FAM107B: variants seen among roughly 807,000 people sequenced by gnomAD.
The protein encoded by FAM107B is family with sequence similarity 107 member B, also known as protein FAM107B.
FAM107B carries 21 observed loss-of-function variants against 31.5 expected under a neutral mutation model. That is an observed-to-expected ratio of 0.67 (90% CI 0.47 to 0.96). The LOEUF is 0.96. Ranked by LOEUF, FAM107B falls within the 40% of genes least tolerant of loss-of-function variation. The probability of loss-of-function intolerance (pLI) is 0.00; values close to 1 mark genes in which losing one functional copy is unlikely to be tolerated. For synonymous variants in FAM107B, 157 were observed against 141.5 expected (o/e 1.11, Z -0.78); for missense variants, 452 against 377.1 (o/e 1.20, Z -1.64).
At chr10:14,645,102 C>T (rs1853720215) in intron 2 of FAM107B, among the ~76,000 whole-genome samples, 1 of 152,148 alleles carries the variant, frequency 6.6e-6, no homozygotes, top group South Asian at 2.1e-4. Context: ...ATGGAAAATA[C>T]TGAGTGTGGT....
At chr10:14,604,394 C>T (rs866854872) in intron 2 of FAM107B, 5 of 267,060 alleles carry the variant, frequency 1.9e-5, no homozygotes, top group African/African-American at 4.6e-5. Flanking sequence ...CGGCGCAGGG[C>T]GGCTCTCGCT....
intron 2 of FAM107B, among the ~76,000 whole-genome samples, chr10:14,656,176 T>C (rs999367820): frequency 2.0e-5 from 3 of 152,122 alleles, no homozygotes; most frequent in Non-Finnish European, 4.4e-5. Flanking sequence ...TAGATACAAA[T>C]TCTGGAGCAG....
chr10:14,721,819 T>G (rs1416660975), intron 1 of FAM107B, among the ~76,000 whole-genome samples: 1 of 152,204 alleles, frequency 6.6e-6, no homozygotes, highest in Non-Finnish European at 1.5e-5. Flanking sequence ...GATGGTAGTT[T>G]CTTTTGCTGT....
At chr10:14,561,388 C>A (rs1033449538) in intron 2 of FAM107B, among the ~76,000 whole-genome samples, 1 of 152,188 alleles carries the variant, frequency 6.6e-6, no homozygotes. Flanking sequence ...CATGAAACAC[C>A]GCGCTGAGAA....
Position 14,591,809 on chromosome 10 carries a change from T to G in FAM107B, c.470-61294A>C, listed in dbSNP as rs145503923. Among the ~76,000 whole-genome samples the G allele has an allele frequency of 6.6e-5, 10 of 152,270 alleles. No homozygotes were observed. In the East Asian group the frequency reaches 1.9e-3, roughly 29 times the overall value. On this transcript the variant is annotated intron_variant, in intron 2 of 4. Transcript: ENST00000181796. ...ACTGCACATGAATCTGATCAAGCTT[T>G]CATGATAACTTCCAGTTTACAGAAA... is the stretch of plus-strand genomic sequence containing the variant.
intron 2 of FAM107B, among the ~76,000 whole-genome samples, chr10:14,560,597 CG>C (rs1335229752): frequency 6.6e-6 from 1 of 152,066 alleles, no homozygotes; most frequent in Non-Finnish European, 1.5e-5. Context: ...ATGGAAGGCT[CG>C]GAAGTCAGAC....
intron 1 of FAM107B, among the ~76,000 whole-genome samples, chr10:14,678,332 T>G (rs1854739999): frequency 6.6e-6 from 1 of 152,192 alleles, no homozygotes; most frequent in African/African-American, 2.4e-5. Context: ...GGGTATGTGT[T>G]TTCTGTCCAT....
At chr10:14,713,885 G>T (rs1475683447) in intron 1 of FAM107B, among the ~76,000 whole-genome samples, 1 of 152,178 alleles carries the variant, frequency 6.6e-6, no homozygotes, top group Non-Finnish European at 1.5e-5. Flanking sequence ...GCAGCAACAT[G>T]GATGGAGTTG....
At chr10:14,773,135 G>C (rs1305067666) in intron 1 of FAM107B, among the ~76,000 whole-genome samples, 1 of 152,178 alleles carries the variant, frequency 6.6e-6, no homozygotes, top group African/African-American at 2.4e-5. Context: ...AGCAGTTTTT[G>C]CTGTGACAGA....
intron 2 of FAM107B, among the ~76,000 whole-genome samples, chr10:14,659,882 C>T (rs1330419046): frequency 1.3e-5 from 2 of 152,216 alleles, no homozygotes; most frequent in Non-Finnish European, 2.9e-5. Flanking sequence ...GTCTCACTTC[C>T]CCACAGAAGT....
chr10:14,630,733 C>G (rs1024120229), intron 2 of FAM107B, among the ~76,000 whole-genome samples: 1 of 151,996 alleles, frequency 6.6e-6, no homozygotes, highest in Admixed American at 6.6e-5. Flanking sequence ...AGCCTGTAGT[C>G]CCAGCTACTT....
intron 2 of FAM107B, among the ~76,000 whole-genome samples, chr10:14,538,159 C>T (rs1489298111): frequency 2.0e-5 from 3 of 152,140 alleles, no homozygotes; most frequent in African/African-American, 4.8e-5. Flanking sequence ...CACAGCTTTA[C>T]GATCCCAAAC....
Position 14,725,733 on chromosome 10 carries a change from T to C in FAM107B, c.411+48520A>G, listed in dbSNP as rs1588733967. Among the ~76,000 whole-genome samples, 2 of 151,900 alleles carry C rather than the reference T, an allele frequency of 1.3e-5. 1 individual carries two copies. The highest frequency in any genetic ancestry group is 3.9e-4 in the East Asian group (2 of 5,172). ...TCATGATCTTATCTAAACCTAATTATCTTCCAAAGTCCCCACCTCCTAATT... is the reference window on the plus strand; with the variant it reads ...TCATGATCTTATCTAAACCTAATTACCTTCCAAAGTCCCCACCTCCTAATT... On this transcript the variant is annotated intron_variant, in intron 1 of 4. Transcript: ENST00000181796.
intron 1 of FAM107B, among the ~76,000 whole-genome samples, chr10:14,722,124 A>T (rs1855925827): frequency 6.6e-6 from 1 of 152,250 alleles, no homozygotes; most frequent in Non-Finnish European, 1.5e-5. Context: ...TTGTGCAAAC[A>T]TCACTACTAA....
intron 2 of FAM107B, among the ~76,000 whole-genome samples, chr10:14,663,776 A>C (rs1470502459): frequency 6.6e-6 from 1 of 151,598 alleles, no homozygotes; most frequent in African/African-American, 2.4e-5. Flanking sequence ...GTAAGGACAG[A>C]GCACACTCCT....
At chr10:14,740,771 T>C (rs1588746530) in intron 1 of FAM107B, among the ~76,000 whole-genome samples, 1 of 152,254 alleles carries the variant, frequency 6.6e-6, no homozygotes. Flanking sequence ...CCAAAACTGC[T>C]CTAAAAAACA....
At chr10:14,550,573 G>A (rs1849162620) in intron 2 of FAM107B, among the ~76,000 whole-genome samples, 1 of 152,160 alleles carries the variant, frequency 6.6e-6, no homozygotes, top group Admixed American at 6.5e-5. Context: ...GAAAAAGGTG[G>A]CGTGGCACCC....
Position 14,600,918 on chromosome 10 carries a change from G to A in FAM107B, c.469+66716C>T, listed in dbSNP as rs1337884973. Among the ~76,000 whole-genome samples, 3 of 152,062 alleles carry A rather than the reference G, an allele frequency of 2.0e-5. No homozygotes were observed. The East Asian group carries it at 5.8e-4, about 29-fold the overall frequency. On this transcript the variant is annotated intron_variant, in intron 2 of 4. Coordinates refer to ENST00000181796, the MANE Select transcript of FAM107B (RefSeq NM_031453.4). ...AGCCTCCTGAGTAGCTTCAACCACA[G>A]GAGCGCGCTGCCACACCCAGCTAAT...
chr10:14,566,042 G>A (rs905226908), intron 2 of FAM107B, among the ~76,000 whole-genome samples: 8 of 152,286 alleles, frequency 5.3e-5, no homozygotes, highest in African/African-American at 9.6e-5. Context: ...GGGGCCCTAC[G>A]CTTCGTTTAG....
Sources: allele counts gnomAD v4.1 joint callset (sites outside exome capture counted in the v4.1 genomes callset), GRCh38; gene constraint gnomAD v4.1.1; transcripts MANE v1.5; gene names NCBI Gene and HGNC (gene_info 2026-07-23, HGNC 2026-07-21).